Variants in DTHD1 observed in about 807,000 individuals in gnomAD.
DTHD1 encodes death domain-containing protein 1.
Under a neutral mutation model 74.8 loss-of-function variants are expected in DTHD1, and 59 were observed. The ratio of observed to expected loss-of-function variants is 0.79; its 90% CI spans 0.64 to 0.98. The LOEUF is 0.98. Ranked by LOEUF, DTHD1 falls within the 50% of genes least tolerant of loss-of-function variation. The pLI, the probability that DTHD1 is intolerant of heterozygous loss-of-function variation, is 0.00. For missense variants in DTHD1, 1,051 were observed against 1,065.4 expected (o/e 0.99, Z 0.19); for synonymous variants, 365 against 371.1 (o/e 0.98, Z 0.19).
chr4:36,316,492 T>A lies in DTHD1; in HGVS notation c.2340+6T>A. Reference sequence around the variant, plus strand: ...TACCATTGAAATTGCCAAAGGTGAGTTATTTTACTTTTCTAATTACTACAT... The same window carrying A: ...TACCATTGAAATTGCCAAAGGTGAGATATTTTACTTTTCTAATTACTACAT... On this transcript the variant is annotated splice_donor_region_variant and intron_variant, in intron 8 of 9. Coordinates refer to ENST00000639862, the MANE Select transcript of DTHD1 (RefSeq NM_001170700.3). 2 of 1,541,282 alleles carry A rather than the reference T, an allele frequency of 1.3e-6. No homozygotes were observed. Among genetic ancestry groups the A allele is most frequent in the Middle Eastern group, 3.4e-4 (2 of 5,882 alleles).
chr4:36,298,001 T>A (rs1251459661), intron 5 of DTHD1, among the ~76,000 whole-genome samples: 1 of 152,024 alleles, frequency 6.6e-6, no homozygotes, highest in East Asian at 1.9e-4. Flanking sequence ...GGAAAGTGGC[T>A]ATTTGTCATC....
intron 7 of DTHD1, among the ~76,000 whole-genome samples, chr4:36,315,246 C>G (rs1459154274): frequency 3.9e-5 from 6 of 152,142 alleles, no homozygotes; most frequent in African/African-American, 1.4e-4. Flanking sequence ...AGGTTATGTT[C>G]ACAAAAGCTC....
Position 36,290,433 on chromosome 4 carries a change from A to T in DTHD1, c.948A>T (p.Pro316=). Residue 316 remains proline (P), a synonymous_variant, in exon 3 of 10, where the codon CCA becomes CCT. Transcript: ENST00000639862. ...AAGTGTCTTGTTATATTACAGCACC[A>T]TCATATGTTCTACAACAACTAGAAT... ...GPQVSCYITA[P]SYVLQQLECR... The T allele has an allele frequency of 6.4e-7, 1 of 1,552,012 alleles. No homozygotes were observed. The highest frequency in any genetic ancestry group is 8.7e-7 in the Non-Finnish European group (1 of 1,147,008).
chr4:36,288,639 G>T (rs1263784850), intron 2 of DTHD1, among the ~76,000 whole-genome samples: 1 of 152,062 alleles, frequency 6.6e-6, no homozygotes, highest in African/African-American at 2.4e-5. Context: ...TTATTTCAGG[G>T]TCCTCTTTTC....
At chr4:36,332,071 C>A (rs967488217) in intron 8 of DTHD1, among the ~76,000 whole-genome samples, 3 of 151,992 alleles carry the variant, frequency 2.0e-5, no homozygotes, top group Non-Finnish European at 1.5e-5. Flanking sequence ...CACCTGAGGT[C>A]AGGAGTTCAA....
At position 36,340,191 on chromosome 4, in the gene DTHD1, G is replaced by A. The variant is rs528841062; in HGVS notation, c.2398+1022G>A. 2.8e-4 allele frequency among the ~76,000 whole-genome samples: 43 copies of A among 152,298 alleles called. 1 individual carries two copies. Among genetic ancestry groups the A allele is most frequent in the Admixed American group, 9.2e-4 (14 of 15,296 alleles). Reference sequence around the variant, plus strand: ...CTGTAGGAAGGGTGACAGTAGATGAGGTTAGACATTTTGAGTGGGAGAAAA... The same window carrying A: ...CTGTAGGAAGGGTGACAGTAGATGAAGTTAGACATTTTGAGTGGGAGAAAA... On this transcript the variant is annotated intron_variant, in intron 9 of 9. Coordinates refer to ENST00000639862, the MANE Select transcript of DTHD1 (RefSeq NM_001170700.3).
chr4:36,302,688 G>C (rs1213704602), intron 5 of DTHD1, among the ~76,000 whole-genome samples: 1 of 152,104 alleles, frequency 6.6e-6, no homozygotes, highest in Non-Finnish European at 1.5e-5. Flanking sequence ...TATAATATTT[G>C]ACTTCAGGCA....
At chr4:36,318,054 C>T (rs901611718) in intron 8 of DTHD1, among the ~76,000 whole-genome samples, 1 of 152,194 alleles carries the variant, frequency 6.6e-6, no homozygotes, top group Non-Finnish European at 1.5e-5. Context: ...ACTTAACATG[C>T]ATTGTATCAC....
chr4:36,336,043 T>G (rs1008199598), intron 8 of DTHD1, among the ~76,000 whole-genome samples: 7 of 152,220 alleles, frequency 4.6e-5, no homozygotes, highest in Non-Finnish European at 8.8e-5. Context: ...TCTGTACATA[T>G]CTGAATTGCT....
chr4:36,286,990 T>C (rs1436556418), intron 2 of DTHD1, among the ~76,000 whole-genome samples: 1 of 152,166 alleles, frequency 6.6e-6, no homozygotes, highest in Admixed American at 6.5e-5. Flanking sequence ...TTTTTTTTTA[T>C]TTCAATAGGT....
chr4:36,343,533 G>A lies in DTHD1; in HGVS notation c.2430G>A (p.Leu810=), dbSNP rs373320078. The A allele has an allele frequency of 6.4e-7, 1 of 1,551,460 alleles. No homozygotes were observed. ...EALWDNLLHW[L]AEELSEENAE... ...TTTGGGATAACTTGCTCCATTGGCT[G>A]GCTGAGGAGCTCTCAGAAGAAAATG... The change falls in exon 10 of 10, where the codon CTG becomes CTA. Residue 810 remains leucine, a synonymous_variant. Transcript: ENST00000639862.
At chr4:36,315,428 T>C (rs1259012170) in intron 7 of DTHD1, among the ~76,000 whole-genome samples, 1 of 152,218 alleles carries the variant, frequency 6.6e-6, no homozygotes, top group African/African-American at 2.4e-5. Flanking sequence ...ATCTGTGCTG[T>C]TCATTACGGT....
At chr4:36,314,571 G>T (rs977161461) in intron 7 of DTHD1, among the ~76,000 whole-genome samples, 1 of 151,344 alleles carries the variant, frequency 6.6e-6, no homozygotes, top group African/African-American at 2.4e-5. Context: ...AGTCCCAGCT[G>T]CTTGGGAGGC....
At chr4:36,321,108 A>C (rs892905605) in intron 8 of DTHD1, among the ~76,000 whole-genome samples, 17 of 152,204 alleles carry the variant, frequency 1.1e-4, no homozygotes, top group Non-Finnish European at 2.4e-4. Context: ...TATATTAATT[A>C]ATTCAACAAA....
rs939934399 is a variant in DTHD1, at chr4:36,307,572, G to A, written c.1806-632G>A. On this transcript the variant is annotated intron_variant, in intron 6 of 9. Transcript: ENST00000639862. ...TACTTCAACATATGAATGTGTATGTGTGTGGGGAGGGTGAGACACAATGCA... is the reference window on the plus strand; with the variant it reads ...TACTTCAACATATGAATGTGTATGTATGTGGGGAGGGTGAGACACAATGCA... Among the ~76,000 whole-genome samples, 58 of 152,168 alleles carry A rather than the reference G, an allele frequency of 3.8e-4. 1 individual carries two copies. Among genetic ancestry groups the A allele is most frequent in the Non-Finnish European group, 8.8e-5 (6 of 68,022 alleles).
At chr4:36,312,419 T>C (rs1757458861) in intron 7 of DTHD1, among the ~76,000 whole-genome samples, 1 of 151,924 alleles carries the variant, frequency 6.6e-6, no homozygotes, top group Non-Finnish European at 1.5e-5. Flanking sequence ...TAAAGTCTAA[T>C]GAAGAAAGAC....
chr4:36,336,434 C>G (rs538939509), intron 8 of DTHD1, among the ~76,000 whole-genome samples: 6 of 152,280 alleles, frequency 3.9e-5, no homozygotes, highest in African/African-American at 1.4e-4. Flanking sequence ...CTAATGCCTT[C>G]AAATGACCAT....
intron 2 of DTHD1, among the ~76,000 whole-genome samples, chr4:36,288,344 C>A (rs1325591612): frequency 6.6e-6 from 1 of 152,170 alleles, no homozygotes; most frequent in African/African-American, 2.4e-5. Flanking sequence ...GTGATCCTTC[C>A]GCTTCGGTCT....
chr4:36,338,070 A>G (rs1055931270), intron 8 of DTHD1, among the ~76,000 whole-genome samples: 1 of 152,212 alleles, frequency 6.6e-6, no homozygotes, highest in African/African-American at 2.4e-5. Flanking sequence ...CAACTACCAC[A>G]TTCAAGATAT....
Sources: gnomAD v4.1 joint callset for allele counts (sites outside exome capture counted in the v4.1 genomes callset) on GRCh38, gnomAD v4.1.1 for gene constraint, MANE v1.5 for transcripts, NCBI Gene and HGNC (gene_info 2026-07-23, HGNC 2026-07-21) for gene names.